Variants in PLEKHA7 observed in about 807,000 individuals in gnomAD.
PLEKHA7 encodes pleckstrin homology domain-containing family A member 7.
In PLEKHA7, 104 loss-of-function variants were observed where a neutral mutation model predicts 170.0. That is an observed-to-expected ratio of 0.61 (90% CI 0.52 to 0.72). The LOEUF (loss-of-function observed/expected upper bound fraction) is 0.72. Among genes scored for constraint, PLEKHA7 ranks in the 30% least tolerant of loss-of-function variants. The probability of loss-of-function intolerance (pLI) is 0.00; values close to 1 mark genes in which losing one functional copy is unlikely to be tolerated. For missense variants in PLEKHA7, 1,615 were observed against 1,671.7 expected (o/e 0.97, Z 0.59); for synonymous variants, 648 against 660.8 (o/e 0.98, Z 0.30).
At chr11:16,825,575 A>G (rs2134933548) in intron 10 of PLEKHA7, among the ~76,000 whole-genome samples, 1 of 152,376 alleles carries the variant, frequency 6.6e-6, no homozygotes, top group East Asian at 1.9e-4. Flanking sequence ...TAAAATACAG[A>G]CAGTGCTTGG....
rs1209477323 is a variant in PLEKHA7 at position 16,966,288 on chromosome 11, GTA to G, written c.221+47699_221+47700del. Among the ~76,000 whole-genome samples the G allele has an allele frequency of 2.5e-3, 225 of 88,732 alleles. 2 individuals carry two copies. The highest frequency in any genetic ancestry group is 9.5e-3 in the African/African-American group (215 of 22,614). 58.2% of individuals were successfully genotyped at this position (88,732 alleles called of 152,430 possible). ...TGGGACTGGAGGCATGGTTGTGCAT[GTA>G]TGTGTGTGTGTGTGTGTGTGTGTGT... On this transcript the variant is annotated intron_variant, in intron 3 of 26. Transcript: ENST00000531066.
chr11:16,887,374 CA>C, intron 3 of PLEKHA7, among the ~76,000 whole-genome samples: 1 of 150,880 alleles, frequency 6.6e-6, no homozygotes, highest in South Asian at 2.1e-4. Context: ...TCCCTCTCCC[CA>C]CGGTCTGCCT....
intron 3 of PLEKHA7, among the ~76,000 whole-genome samples, chr11:17,012,792 G>A (rs1235745441): frequency 1.3e-5 from 2 of 152,148 alleles, no homozygotes; most frequent in Non-Finnish European, 2.9e-5. Context: ...GACTCTGATG[G>A]CCCCAGCCAA....
At position 16,789,732 on chromosome 11, in the gene PLEKHA7, T is replaced by C. The variant is rs768861651; in HGVS notation, c.3156+43A>G. 17 of 1,530,072 alleles carry C rather than the reference T, an allele frequency of 1.1e-5. No individual in the cohort carries two copies. Among genetic ancestry groups the C allele is most frequent in the Non-Finnish European group, 1.4e-5 (15 of 1,107,142 alleles). 94.8% of individuals were successfully genotyped at this position (1,530,072 alleles called of 1,614,324 possible). ...CCCCCTGGGAGACCCTCCCTCCCCA[T>C]GTGAAGGAGCAGGGAGGTCCTCGAC... On this transcript the variant is annotated intron_variant, in intron 22 of 26. Transcript: ENST00000531066. This position sits in a 1 kb window ranked among gnomAD's most constrained non-coding sequence, Gnocchi z 4.6.
At chr11:16,988,476 C>T (rs542733421) in intron 3 of PLEKHA7, among the ~76,000 whole-genome samples, 15 of 152,264 alleles carry the variant, frequency 9.9e-5, no homozygotes, top group African/African-American at 2.9e-4. Context: ...GACAGAGTTT[C>T]ACTCTTGTTG....
At chr11:16,786,194 C>T in intron 24 of PLEKHA7, 35 bp downstream of exon 24, 1 of 1,534,180 alleles carries the variant, frequency 6.5e-7, no homozygotes, top group Non-Finnish European at 8.7e-7. Context: ...AAGGCCATGT[C>T]TCCTGGAGGA....
chr11:16,885,508 A>G (rs1347417472), intron 3 of PLEKHA7, among the ~76,000 whole-genome samples: 1 of 150,946 alleles, frequency 6.6e-6, no homozygotes, highest in African/African-American at 2.4e-5. Context: ...AAAAAAATAT[A>G]TATATATTAG....
chr11:16,810,925 A>C (rs1211802043), intron 13 of PLEKHA7, among the ~76,000 whole-genome samples: 1 of 152,226 alleles, frequency 6.6e-6, no homozygotes, highest in Admixed American at 6.5e-5. Context: ...ACGGTCCATT[A>C]AAAGATGATA....
chr11:16,796,909 C>G (rs1286566404), intron 17 of PLEKHA7, among the ~76,000 whole-genome samples: 1 of 152,144 alleles, frequency 6.6e-6, no homozygotes, highest in Non-Finnish European at 1.5e-5. Flanking sequence ...TCCAAGTGAT[C>G]CTCCTGCTTT....
intron 12 of PLEKHA7, among the ~76,000 whole-genome samples, chr11:16,814,065 A>G (rs917180402): frequency 2.0e-5 from 3 of 152,204 alleles, no homozygotes; most frequent in Non-Finnish European, 4.4e-5. Flanking sequence ...GAGGTAAGAC[A>G]GTCACACAGA....
In PLEKHA7 at chr11:17,003,278, A is replaced by G. The variant is rs571959519; in HGVS notation, c.221+10711T>C. On this transcript the variant is annotated intron_variant, in intron 3 of 26. Transcript: ENST00000531066. ...AGTGCTGGGATTACACATGTGAGCC[A>G]CCACACCCAGCCCAAGGTTGTGCAG... Among the ~76,000 whole-genome samples, 58 of 152,308 alleles carry G rather than the reference A, an allele frequency of 3.8e-4. 1 individual carries two copies. The highest frequency in any genetic ancestry group is 1.3e-3 in the African/African-American group (52 of 41,572).
At chr11:16,792,653 T>TTCTATTTCTTA (rs1847944035) in intron 19 of PLEKHA7, among the ~76,000 whole-genome samples, 1 of 152,250 alleles carries the variant, frequency 6.6e-6, no homozygotes, top group South Asian at 2.1e-4. Context: ...GCTGGCAGTG[T>TTCTATTTCTTA]TCTATTTCTT....
At chr11:16,784,009 C>G (rs1249809890) in intron 24 of PLEKHA7, among the ~76,000 whole-genome samples, 176 bp from the exon 25 acceptor site, 1 of 152,126 alleles carries the variant, frequency 6.6e-6, no homozygotes, top group Non-Finnish European at 1.5e-5. Flanking sequence ...AACCTGAGTC[C>G]GACTCCAAAG....
chr11:16,956,485 C>T (rs1861711024), intron 3 of PLEKHA7, among the ~76,000 whole-genome samples: 1 of 152,214 alleles, frequency 6.6e-6, no homozygotes, highest in African/African-American at 2.4e-5. Context: ...CAAAGATAGA[C>T]TCTCAGTTTA....
rs148638006 is a variant in PLEKHA7 at position 16,950,868 on chromosome 11, C to T, written c.221+63121G>A. 6.6e-3 allele frequency among the ~76,000 whole-genome samples: 1,011 copies of T among 152,304 alleles called. 12 individuals are homozygous for T. The highest frequency in any genetic ancestry group is 0.023 in the African/African-American group (976 of 41,562). The stretch of plus-strand genomic sequence containing the variant: ...TTCCTCCCCACCTCACTTCCTCGTT[C>T]ATGTTTCCCCAGCTACATCTTTCTC... On this transcript the variant is annotated intron_variant, in intron 3 of 26. Coordinates refer to ENST00000531066, the MANE Select transcript of PLEKHA7 (RefSeq NM_001329630.2).
rs1849010577 is a variant in PLEKHA7 at position 16,781,383 on chromosome 11, A to C, written c.3793+1371T>G. On this transcript the variant is annotated intron_variant, in intron 26 of 26. Transcript: ENST00000531066. ...GAGCGCTCATCTGCTGGCAATAAGG[A>C]GGCCGAGGATGGCAGACCCCCTCAG... Among the ~76,000 whole-genome samples, 3 of 152,086 alleles carry C rather than the reference A, an allele frequency of 2.0e-5. No individual in the cohort carries two copies. The South Asian group carries it at 6.2e-4, about 32-fold the overall frequency.
At chr11:16,933,832 C>T (rs1860105480) in intron 3 of PLEKHA7, among the ~76,000 whole-genome samples, 1 of 152,144 alleles carries the variant, frequency 6.6e-6, no homozygotes, top group Admixed American at 6.5e-5. Context: ...AGCTAGAGAC[C>T]TTCAGTGGCT....
chr11:16,944,055 T>C (rs529090052), intron 3 of PLEKHA7, among the ~76,000 whole-genome samples: 3 of 152,230 alleles, frequency 2.0e-5, no homozygotes, highest in African/African-American at 7.2e-5. Context: ...CCAAACCACC[T>C]TGAAAGAATT....
At chr11:16,892,619 C>CTTTTTTTTTTTT (rs10674972) in intron 3 of PLEKHA7, among the ~76,000 whole-genome samples, 3 of 82,416 alleles carry the variant, frequency 3.6e-5, no homozygotes, top group African/African-American at 5.2e-5. Flanking sequence ...CTTCCAGCTT[C>CTTTTTTTTTTTT]TTTTTTTTTT....
Sources: gnomAD v4.1 joint callset for allele counts (sites outside exome capture counted in the v4.1 genomes callset) on GRCh38, gnomAD v4.1.1 for gene constraint, Gnocchi (gnomAD v3.1) non-coding constraint, MANE v1.5 for transcripts, NCBI Gene and HGNC (gene_info 2026-07-23, HGNC 2026-07-21) for gene names.